Variants in NXPE2 observed in about 807,000 individuals in gnomAD.
The protein encoded by NXPE2 is neurexophilin and PC-esterase domain family member 2.
Under a neutral mutation model 34.4 loss-of-function variants are expected in NXPE2, and 34 were observed. The observed-to-expected ratio is 0.99, with a 90% CI of 0.75 to 1.31. The LOEUF (loss-of-function observed/expected upper bound fraction) is 1.31, where lower values mean the gene tolerates loss of function less well. Ranked by LOEUF, NXPE2 falls within the 40% of genes most tolerant of loss-of-function variation. The probability of loss-of-function intolerance (pLI) is 0.00; values close to 1 mark genes in which losing one functional copy is unlikely to be tolerated. For synonymous variants in NXPE2, 235 were observed against 231.3 expected, an observed-to-expected ratio of 1.02 and a Z score of -0.15; for missense variants, 649 against 672.5, an observed-to-expected ratio of 0.97 and a Z score of 0.39.
At chr11:114,585,514 A>G in the NXPE2 span, among the ~76,000 whole-genome samples, 1 of 152,104 alleles carries the variant, frequency 6.6e-6, no homozygotes, top group Admixed American at 6.5e-5. Flanking sequence ...TTAAGTCAAA[A>G]ACTGTAAAAA....
At chr11:114,575,869 C>A in the NXPE2 span, among the ~76,000 whole-genome samples, 1 of 152,010 alleles carries the variant, frequency 6.6e-6, no homozygotes, top group African/African-American at 2.4e-5. Context: ...TCATATGGAA[C>A]CAAAAAAGAG....
the NXPE2 span, among the ~76,000 whole-genome samples, chr11:114,642,859 A>G: frequency 6.6e-6 from 1 of 152,046 alleles, no homozygotes; most frequent in Non-Finnish European, 1.5e-5. Context: ...ACAATGGTTG[A>G]ACTAATTTAC....
chr11:114,725,367 A>G, the NXPE2 span, among the ~76,000 whole-genome samples: 1 of 152,052 alleles, frequency 6.6e-6, no homozygotes. Context: ...ACCTAGTTAA[A>G]GCTTCCTTTC....
At chr11:114,750,570 C>G in the NXPE2 span, among the ~76,000 whole-genome samples, 1 of 152,216 alleles carries the variant, frequency 6.6e-6, no homozygotes, top group African/African-American at 2.4e-5. Context: ...TGCTTTCAAA[C>G]TGGGAAATTC....
At chr11:114,483,410 C>T in the NXPE2 span, among the ~76,000 whole-genome samples, 402 of 152,276 alleles carry the variant, frequency 2.6e-3, 3 homozygotes, top group African/African-American at 9.4e-3. Flanking sequence ...ATCAAATTTA[C>T]GTAAGTTTTC....
chr11:114,770,775 G>A, the NXPE2 span, among the ~76,000 whole-genome samples: 1 of 152,194 alleles, frequency 6.6e-6, no homozygotes, highest in East Asian at 1.9e-4. Context: ...ATCTAGTTTT[G>A]AGCAGAGATT....
chr11:114,526,177 C>A, the NXPE2 span, among the ~76,000 whole-genome samples: 1 of 152,174 alleles, frequency 6.6e-6, no homozygotes, highest in Non-Finnish European at 1.5e-5. Flanking sequence ...AGCAAAGGAA[C>A]AGATTCTCCC....
At chr11:114,725,036 A>G in the NXPE2 span, among the ~76,000 whole-genome samples, 1 of 151,762 alleles carries the variant, frequency 6.6e-6, no homozygotes, top group Non-Finnish European at 1.5e-5. Context: ...GTTTGTGTCC[A>G]TGGTTCATAA....
chr11:114,513,365 G>A, the NXPE2 span: 2 of 416,820 alleles, frequency 4.8e-6, no homozygotes, highest in South Asian at 4.8e-5. Context: ...CTCTGCTGCT[G>A]AAACTTCTGG....
chr11:114,763,976 A>G, the NXPE2 span, among the ~76,000 whole-genome samples: 3 of 152,234 alleles, frequency 2.0e-5, no homozygotes, highest in Non-Finnish European at 2.9e-5. Context: ...CTTGCTTTTC[A>G]TCATCAACGT....
chr11:114,516,632 A>G, the NXPE2 span, among the ~76,000 whole-genome samples: 5 of 152,300 alleles, frequency 3.3e-5, no homozygotes, highest in East Asian at 9.6e-4. Flanking sequence ...AAAATGATCT[A>G]TATAATGAGC....
chr11:114,585,839 T>C, the NXPE2 span, among the ~76,000 whole-genome samples: 1 of 152,270 alleles, frequency 6.6e-6, no homozygotes, highest in East Asian at 1.9e-4. Context: ...CATGGGTGAA[T>C]GCTGGCGGCT....
At chr11:114,798,689 T>C in the NXPE2 span, among the ~76,000 whole-genome samples, 5 of 152,226 alleles carry the variant, frequency 3.3e-5, no homozygotes, top group Non-Finnish European at 2.9e-5. Flanking sequence ...GCCGGGACTC[T>C]TTCTTTTTCT....
chr11:114,564,309 G>A, the NXPE2 span, among the ~76,000 whole-genome samples: 2 of 152,130 alleles, frequency 1.3e-5, no homozygotes, highest in African/African-American at 2.4e-5. Context: ...GGACTTGGGG[G>A]AAAGGTTGAT....
the NXPE2 span, among the ~76,000 whole-genome samples, chr11:114,541,694 G>A: frequency 3.9e-5 from 6 of 152,068 alleles, no homozygotes; most frequent in Non-Finnish European, 8.8e-5. Context: ...CCAGGCTATA[G>A]GTAAATTTAA....
chr11:114,495,470 C>T, the NXPE2 span, among the ~76,000 whole-genome samples: 2 of 151,720 alleles, frequency 1.3e-5, no homozygotes, highest in Admixed American at 6.6e-5. Context: ...TCCTCATGGC[C>T]GCCCCTACCC....
Position 114,678,911 on chromosome 11 carries a change from T to A in NXPE2, c.26+310T>A, listed in dbSNP as rs535093973. On this transcript the variant is annotated intron_variant, in intron 1 of 5. Coordinates refer to ENST00000389586, the MANE Select transcript of NXPE2 (RefSeq NM_182495.6). ...GTCCTGAGTTGGATTTGGTATGATG[T>A]TTTTTTTCTGGGGTGGGGGGGTTGT... is the stretch of plus-strand genomic sequence containing the variant. 3.3e-5 allele frequency among the ~76,000 whole-genome samples: 5 copies of A among 149,772 alleles called. No individual in the cohort carries two copies. The South Asian group carries it at 8.7e-4, about 26-fold the overall frequency.
the NXPE2 span, among the ~76,000 whole-genome samples, chr11:114,784,229 GAGA>G: frequency 6.6e-6 from 1 of 152,214 alleles, no homozygotes; most frequent in South Asian, 2.1e-4. Context: ...CACATTCTAT[GAGA>G]AGGAGACCTT....
At chr11:114,805,753 G>A in the NXPE2 span, among the ~76,000 whole-genome samples, 1 of 152,316 alleles carries the variant, frequency 6.6e-6, no homozygotes, top group East Asian at 1.9e-4. Context: ...GCCTCTGTAG[G>A]CTCCACCTCT....
Sources: gnomAD v4.1 joint callset for allele counts (sites outside exome capture counted in the v4.1 genomes callset) on GRCh38, gnomAD v4.1.1 for gene constraint, MANE v1.5 for transcripts, NCBI Gene and HGNC (gene_info 2026-07-23, HGNC 2026-07-21) for gene names.